MLIP: variants seen among roughly 807,000 people sequenced by gnomAD.
MLIP encodes muscular LMNA interacting protein, also known as muscular LMNA-interacting protein.
MLIP carries 79 observed loss-of-function variants against 84.8 expected under a neutral mutation model. The observed-to-expected ratio is 0.93, with a 90% CI of 0.78 to 1.12. The LOEUF is 1.12. Among genes scored for constraint, MLIP ranks in the 50% most tolerant of loss-of-function variants. The probability of loss-of-function intolerance (pLI) is 0.00; values close to 1 mark genes in which losing one functional copy is unlikely to be tolerated. For synonymous variants in MLIP, 504 were observed against 463.0 expected (o/e 1.09, Z -1.14); for missense variants, 1,257 against 1,160.6 (o/e 1.08, Z -1.21).
At chr6:54,263,322 T>C (rs1783501260) in intron 13 of MLIP, among the ~76,000 whole-genome samples, 1 of 152,064 alleles carries the variant, frequency 6.6e-6, no homozygotes, top group Admixed American at 6.6e-5. Flanking sequence ...AGGACCTTAA[T>C]TACTGAACGT....
At chr6:54,234,716 C>T (rs1490872175) in intron 12 of MLIP, among the ~76,000 whole-genome samples, 2 of 152,200 alleles carry the variant, frequency 1.3e-5, no homozygotes, top group Non-Finnish European at 2.9e-5. Flanking sequence ...GCAAATTCAG[C>T]TGAATTTCCT....
intron 1 of MLIP, among the ~76,000 whole-genome samples, chr6:54,055,540 C>T (rs951151369): frequency 1.3e-5 from 2 of 152,090 alleles, no homozygotes; most frequent in African/African-American, 4.8e-5. Context: ...CATTCAGTCC[C>T]TGTTCATTCA....
At chr6:54,208,443 A>G (rs1779194604) in intron 11 of MLIP, among the ~76,000 whole-genome samples, 1 of 149,514 alleles carries the variant, frequency 6.7e-6, no homozygotes, top group Non-Finnish European at 1.5e-5. Flanking sequence ...AAAATCAGCC[A>G]GGTGTGGTGG....
chr6:54,209,620 T>C (rs1347034246), intron 11 of MLIP, among the ~76,000 whole-genome samples: 1 of 152,188 alleles, frequency 6.6e-6, no homozygotes, highest in Non-Finnish European at 1.5e-5. Flanking sequence ...TTTTTAAAAA[T>C]AATGTTCTTA....
At chr6:54,155,202 A>G (rs76381291) in intron 5 of MLIP, among the ~76,000 whole-genome samples, 10,773 of 152,166 alleles carry the variant, frequency 0.071, 551 homozygotes, top group East Asian at 0.24. Context: ...TTTGCAGTGT[A>G]CTTTTTTTCC....
At chr6:54,198,696 AATACAG>A (rs1377629445) in intron 10 of MLIP, among the ~76,000 whole-genome samples, 1 of 152,176 alleles carries the variant, frequency 6.6e-6, no homozygotes, top group African/African-American at 2.4e-5. Context: ...TTTCCAAGGT[AATACAG>A]TTTATTAACA....
At chr6:54,102,568 G>A (rs1365067165) in intron 1 of MLIP, among the ~76,000 whole-genome samples, 3 of 152,098 alleles carry the variant, frequency 2.0e-5, no homozygotes, top group African/African-American at 7.2e-5. Context: ...TATCTTCAAA[G>A]TGACACTTTA....
chr6:54,124,362 T>G, intron 2 of MLIP, 111 bp from the exon 3 acceptor site: 1 of 998,434 alleles, frequency 1.0e-6, no homozygotes, highest in South Asian at 2.0e-5. Flanking sequence ...GTCAACCTAA[T>G]TTAATATATT....
At chr6:54,149,210 TTC>T in intron 5 of MLIP, 83 bp downstream of exon 5, 9 of 1,292,922 alleles carry the variant, frequency 7.0e-6, no homozygotes, top group Non-Finnish European at 9.9e-6. Context: ...TTGGGAAGAT[TTC>T]TGTTTTAAAG....
At chr6:54,025,202 T>A (rs1272370674) in intron 1 of MLIP, among the ~76,000 whole-genome samples, 1 of 152,144 alleles carries the variant, frequency 6.6e-6, no homozygotes, top group African/African-American at 2.4e-5. Flanking sequence ...TTTCTCTTTC[T>A]AATTGTGTCT....
chr6:54,153,373 C>T (rs1350611160), intron 5 of MLIP, among the ~76,000 whole-genome samples: 1 of 151,836 alleles, frequency 6.6e-6, no homozygotes, highest in Non-Finnish European at 1.5e-5. Flanking sequence ...TGCTATGTTG[C>T]CCAGGCTAGA....
At chr6:54,073,400 T>C (rs2150346679) in intron 1 of MLIP, among the ~76,000 whole-genome samples, 1 of 152,298 alleles carries the variant, frequency 6.6e-6, no homozygotes, top group Admixed American at 6.5e-5. Context: ...ATTTAGTCTA[T>C]TATGGAAAAA....
chr6:54,223,654 A>T (rs189810942), intron 11 of MLIP, among the ~76,000 whole-genome samples: 3 of 152,094 alleles, frequency 2.0e-5, no homozygotes, highest in East Asian at 3.8e-4. Flanking sequence ...ACAAAATGTG[A>T]TACCTTCAAA....
At chr6:54,216,055 A>T (rs949477607) in intron 11 of MLIP, 7 of 557,348 alleles carry the variant, frequency 1.3e-5, no homozygotes, top group Non-Finnish European at 1.6e-5. Flanking sequence ...CGTTTTATTT[A>T]TTCATTTATC....
chr6:54,022,889 C>G (rs960015407), intron 1 of MLIP, among the ~76,000 whole-genome samples: 19 of 151,938 alleles, frequency 1.3e-4, no homozygotes, highest in Non-Finnish European at 8.8e-5. Context: ...TGATAATGGC[C>G]GGGCGCGGTG....
intron 12 of MLIP, among the ~76,000 whole-genome samples, chr6:54,237,771 GC>G (rs1781467998): frequency 6.6e-6 from 1 of 151,924 alleles, no homozygotes; most frequent in South Asian, 2.1e-4. Flanking sequence ...GATTGTTTGA[GC>G]CCAGGAAGTC....
intron 12 of MLIP, among the ~76,000 whole-genome samples, chr6:54,238,846 T>A (rs1781535270): frequency 6.6e-6 from 1 of 152,208 alleles, no homozygotes; most frequent in African/African-American, 2.4e-5. Context: ...ATGCCAAGTT[T>A]GTGACAGTGG....
At chr6:54,162,791 G>A (rs1280529418) in intron 8 of MLIP, among the ~76,000 whole-genome samples, 1 of 152,004 alleles carries the variant, frequency 6.6e-6, no homozygotes, top group African/African-American at 2.4e-5. Flanking sequence ...AAACCTGTGT[G>A]TTTGAAGCTG....
intron 11 of MLIP, among the ~76,000 whole-genome samples, chr6:54,206,773 C>T (rs1351882730): frequency 2.0e-5 from 3 of 152,118 alleles, no homozygotes; most frequent in African/African-American, 7.2e-5. Context: ...CTTCAACTTC[C>T]CTTCTTTATG....
Sources: gnomAD v4.1 joint callset for allele counts (sites outside exome capture counted in the v4.1 genomes callset) on GRCh38, gnomAD v4.1.1 for gene constraint, MANE v1.5 for transcripts, NCBI Gene and HGNC (gene_info 2026-07-23, HGNC 2026-07-21) for gene names.